MYO1E: variants seen among roughly 807,000 people sequenced by gnomAD.
MYO1E encodes the protein unconventional myosin-Ie.
Under a neutral mutation model 151.1 loss-of-function variants are expected in MYO1E, and 68 were observed. That is an observed-to-expected ratio of 0.45 (90% CI 0.37 to 0.55). The LOEUF (loss-of-function observed/expected upper bound fraction) is 0.55. Ranked by LOEUF, MYO1E falls within the 20% of genes least tolerant of loss-of-function variation. MYO1E has a pLI of 0.00. For missense variants in MYO1E, 1,363 were observed against 1,389.3 expected (o/e 0.98, Z 0.30); for synonymous variants, 601 against 501.7 (o/e 1.20, Z -2.64).
rs1323576849 is a variant in MYO1E at position 59,158,213 on chromosome 15, T to A, written c.2878+74A>T. Reference sequence around the variant, plus strand: ...TGTGTGCATTGATTTGCTAATGGGTTTCTTCCCAAACATATTTTATAAGTT... The same window carrying A: ...TGTGTGCATTGATTTGCTAATGGGTATCTTCCCAAACATATTTTATAAGTT... On this transcript the variant is annotated intron_variant, in intron 25 of 27. Transcript: ENST00000288235. 22 of 1,302,214 alleles carry A rather than the reference T, an allele frequency of 1.7e-5. No individual in the cohort carries two copies. The South Asian group carries it at 2.7e-4, about 16-fold the overall frequency. The allele number at this position is 1,302,214 out of a possible 1,614,324, so 80.7% of individuals were successfully genotyped here. A position where few individuals can be genotyped will look rare whatever the true frequency, so the allele number is the denominator to read the frequency against.
rs1336243727 is a variant in MYO1E at position 59,304,840 on chromosome 15, A to T, written c.4-32391T>A. Reference sequence around the variant, plus strand: ...CTCAAATCAAATCCTAGAAAATGGAACTTGTCTTTACCCTGTCATAATCAA... The same window carrying T: ...CTCAAATCAAATCCTAGAAAATGGATCTTGTCTTTACCCTGTCATAATCAA... On this transcript the variant is annotated intron_variant, in intron 1 of 27. Transcript: ENST00000288235. Among the ~76,000 whole-genome samples, 3 of 152,202 alleles carry T rather than the reference A, an allele frequency of 2.0e-5. No homozygotes were observed. The East Asian group carries it at 5.8e-4, about 29-fold the overall frequency.
chr15:59,310,170 C>A lies in MYO1E; in HGVS notation c.4-37721G>T, dbSNP rs574805708. Among the ~76,000 whole-genome samples the A allele has an allele frequency of 2.6e-5, 4 of 152,250 alleles. No homozygotes were observed. In the South Asian group the frequency reaches 8.3e-4, roughly 32 times the overall value. On this transcript the variant is annotated intron_variant, in intron 1 of 27. Transcript: ENST00000288235. ...ACTCTAGGTCCAGGCAGCTTCCTAG[C>A]GCTCACGAAGAACACATGACACTGC...
intron 1 of MYO1E, among the ~76,000 whole-genome samples, chr15:59,332,709 G>A (rs1439094224): frequency 1.3e-5 from 2 of 151,910 alleles, no homozygotes; most frequent in African/African-American, 4.8e-5. Context: ...CTTTGCTGGC[G>A]CTCTATTTTT....
In MYO1E at chr15:59,277,197, C is replaced by T. The variant is rs757231573; in HGVS notation, c.4-4748G>A. ...TATTTTTAGGTAGCAATTTAGAAAT[C>T]GGTATTGAAATTTTAGACACACAGA... is the stretch of plus-strand genomic sequence containing the variant. On this transcript the variant is annotated intron_variant, in intron 1 of 27. Coordinates refer to ENST00000288235, the MANE Select transcript of MYO1E (RefSeq NM_004998.4). 3.9e-5 allele frequency among the ~76,000 whole-genome samples: 6 copies of T among 152,122 alleles called. No homozygotes were observed. The East Asian group carries it at 7.7e-4, about 20-fold the overall frequency.
Position 59,134,807 on chromosome 15 carries a change from C to T in MYO1E, c.*2573G>A, listed in dbSNP as rs2079362912. 1 of 152,068 alleles carries T rather than the reference C, an allele frequency of 6.6e-6. No homozygotes were observed. Among genetic ancestry groups the T allele is most frequent in the Non-Finnish European group, 1.5e-5 (1 of 68,028 alleles). 9.4% of individuals were successfully genotyped at this position (152,068 alleles called of 1,614,324 possible). Reference sequence around the variant, plus strand: ...TATGTTCTTTCCTGGTAAGTGACTCCTAAAGTGGTCATATTTGCTTAACTG... The same window carrying T: ...TATGTTCTTTCCTGGTAAGTGACTCTTAAAGTGGTCATATTTGCTTAACTG... On this transcript the variant is annotated 3_prime_UTR_variant, in exon 28 of 28. Transcript: ENST00000288235.
At chr15:59,222,987 G>A in intron 9 of MYO1E, 72 bp downstream of exon 9, 1 of 1,595,254 alleles carries the variant, frequency 6.3e-7, no homozygotes, top group Non-Finnish European at 8.6e-7. Flanking sequence ...TCTAAGCAAA[G>A]GAAAGTGCTA....
At chr15:59,207,873 T>C (rs779729112) in intron 14 of MYO1E, 274 of 1,614,072 alleles carry the variant, frequency 1.7e-4, no homozygotes, top group Non-Finnish European at 2.1e-4. Context: ...TAACAGAAAG[T>C]ATTTTGAAGA....
At chr15:59,362,426 T>A (rs2080890941) in intron 1 of MYO1E, among the ~76,000 whole-genome samples, 1 of 152,214 alleles carries the variant, frequency 6.6e-6, no homozygotes, top group Non-Finnish European at 1.5e-5. Flanking sequence ...TTTGTTATTA[T>A]AAACACTGTC....
At chr15:59,199,660 G>A (rs1194291354) in intron 16 of MYO1E, among the ~76,000 whole-genome samples, 5 of 152,066 alleles carry the variant, frequency 3.3e-5, no homozygotes, top group African/African-American at 1.2e-4. Context: ...TATTCTATTA[G>A]TTAAATCCTA....
At chr15:59,161,588 G>A (rs1164417063) in intron 23 of MYO1E, among the ~76,000 whole-genome samples, 2 of 152,222 alleles carry the variant, frequency 1.3e-5, no homozygotes, top group African/African-American at 4.8e-5. Flanking sequence ...CTGTCATTGT[G>A]CTTCCAGCTG....
intron 1 of MYO1E, among the ~76,000 whole-genome samples, chr15:59,363,828 T>C (rs1442837221): frequency 6.6e-6 from 1 of 152,110 alleles, no homozygotes; most frequent in Non-Finnish European, 1.5e-5. Context: ...CAGACTGGAG[T>C]GCAGTGGCAA....
intron 10 of MYO1E, 102 bp downstream of exon 10, chr15:59,217,789 A>G: frequency 7.4e-7 from 1 of 1,357,914 alleles, no homozygotes; most frequent in South Asian, 1.2e-5. Flanking sequence ...TGGCCTCTCA[A>G]AGTACTGGGA....
chr15:59,328,857 G>A (rs1342460814), intron 1 of MYO1E, among the ~76,000 whole-genome samples: 4 of 152,162 alleles, frequency 2.6e-5, no homozygotes, highest in African/African-American at 9.7e-5. Flanking sequence ...AACTAAGGCA[G>A]GGGTGTGTTA....
In MYO1E at chr15:59,138,228, C is replaced by T. The variant is rs776980895; in HGVS notation, c.3220G>A (p.Ala1074Thr). The T allele has an allele frequency of 3.1e-6, 5 of 1,614,236 alleles. No individual in the cohort carries two copies. Among genetic ancestry groups the T allele is most frequent in the Non-Finnish European group, 3.4e-6 (4 of 1,180,046 alleles). ...AQDTDELSFN[A>T]NDIIDIIKED... Reference sequence around the variant, plus strand: ...TTGATAATATCAATAATGTCATTGGCATTAAAGCTGAGTTCGTCTGTGTCC... The same window carrying T: ...TTGATAATATCAATAATGTCATTGGTATTAAAGCTGAGTTCGTCTGTGTCC... The change falls in exon 27 of 28, where the codon GCC (alanine) becomes ACC (threonine). Residue 1074 changes from alanine to threonine, a missense_variant. Coordinates refer to ENST00000288235, the MANE Select transcript of MYO1E (RefSeq NM_004998.4).
Position 59,261,623 on chromosome 15 carries a change from G to A in MYO1E, c.148-114C>T, listed in dbSNP as rs145896892. 617 of 737,906 alleles carry A rather than the reference G, an allele frequency of 8.4e-4. 1 individual carries two copies. The African/African-American group carries it at 9.6e-3, about 12-fold the overall frequency. The allele number at this position is 737,906 out of a possible 1,614,324, so 45.7% of individuals were successfully genotyped here. On this transcript the variant is annotated intron_variant, in intron 2 of 27. Transcript: ENST00000288235. Reference sequence around the variant, plus strand: ...ATGACTGTCCAAGTGGAAAGTTTGTGTACTTGTTTTCTAAAAGATTACAAG... The same window carrying A: ...ATGACTGTCCAAGTGGAAAGTTTGTATACTTGTTTTCTAAAAGATTACAAG...
intron 1 of MYO1E, among the ~76,000 whole-genome samples, chr15:59,353,650 G>A (rs561884196): frequency 1.3e-5 from 2 of 151,462 alleles, no homozygotes; most frequent in East Asian, 1.9e-4. Context: ...CCAGCTACTC[G>A]GAAGGCTGAG....
At chr15:59,216,097 A>G (rs1380785834) in intron 10 of MYO1E, among the ~76,000 whole-genome samples, 6 of 152,118 alleles carry the variant, frequency 3.9e-5, no homozygotes, top group Non-Finnish European at 8.8e-5. Flanking sequence ...CACTAACCAT[A>G]CCTTAAGCCG....
chr15:59,170,480 G>C (rs1310290949), intron 22 of MYO1E, among the ~76,000 whole-genome samples: 2 of 152,154 alleles, frequency 1.3e-5, no homozygotes, highest in African/African-American at 4.8e-5. Flanking sequence ...GGCCCAGCTA[G>C]CCAGGAAGAG....
rs1446930902 is a variant in MYO1E, at chr15:59,143,315, T to C, written c.3081-4948A>G. Among the ~76,000 whole-genome samples the C allele has an allele frequency of 3.3e-5, 5 of 152,152 alleles. No individual in the cohort carries two copies. In the East Asian group the frequency reaches 9.6e-4, roughly 29 times the overall value. On this transcript the variant is annotated intron_variant, in intron 26 of 27. Coordinates refer to ENST00000288235, the MANE Select transcript of MYO1E (RefSeq NM_004998.4). ...AGGGCAGCTTTGAGATGGGTGTGGA[T>C]AGTGGGGACTGTCTGATGGCAGCCG...
Sources: gnomAD v4.1 joint callset for allele counts (sites outside exome capture counted in the v4.1 genomes callset) on GRCh38, gnomAD v4.1.1 for gene constraint, MANE v1.5 for transcripts, NCBI Gene and HGNC (gene_info 2026-07-23, HGNC 2026-07-21) for gene names.